ASPHD2: variants seen among roughly 807,000 people sequenced by gnomAD.
ASPHD2 encodes the protein aspartate beta-hydroxylase domain-containing protein 2.
Under a neutral mutation model 34.6 loss-of-function variants are expected in ASPHD2, and 12 were observed. The observed-to-expected ratio is 0.35, with a 90% CI of 0.22 to 0.56. The LOEUF is 0.56. Ranked by LOEUF, ASPHD2 falls within the 20% of genes least tolerant of loss-of-function variation. ASPHD2 has a pLI of 0.87. For synonymous variants in ASPHD2, 224 were observed against 212.2 expected, an observed-to-expected ratio of 1.06 and a Z score of -0.48; for missense variants, 375 against 505.0, an observed-to-expected ratio of 0.74 and a Z score of 2.47.
At chr22:26,432,074 A>C (rs2084760126) in intron 1 of ASPHD2, among the ~76,000 whole-genome samples, 1 of 152,226 alleles carries the variant, frequency 6.6e-6, no homozygotes, top group South Asian at 2.1e-4. Context: ...GCATGCCTGT[A>C]ATCCCAGCTA....
intron 2 of ASPHD2, among the ~76,000 whole-genome samples, chr22:26,439,138 C>T (rs1208053733): frequency 1.3e-5 from 2 of 152,176 alleles, no homozygotes; most frequent in African/African-American, 2.4e-5. Flanking sequence ...GTGGCTCAAG[C>T]CTGTAATCCC....
Position 26,434,322 on chromosome 22 carries a change from A to AGG in ASPHD2, c.711_712dup (p.Val238GlyfsTer38). 1 of 1,614,142 alleles carries AGG rather than the reference A, an allele frequency of 6.2e-7. No homozygotes were observed. Among genetic ancestry groups the AGG allele is most frequent in the Non-Finnish European group, 8.5e-7 (1 of 1,180,008 alleles). Reference sequence around the variant, plus strand: ...TGGTTCACCTTTTACTTGGTCAATCAGGGGGTTTGTGTTCCCAGGAACTGT... The same window carrying AGG: ...TGGTTCACCTTTTACTTGGTCAATCAGGGGGGGTTTGTGTTCCCAGGAACTGT... On this transcript the variant is annotated frameshift_variant, in exon 2 of 4. Coordinates refer to ENST00000215906, the MANE Select transcript of ASPHD2 (RefSeq NM_020437.5). LOFTEE classifies it high-confidence loss of function.
At chr22:26,430,076 T>C (rs2084747416) in intron 1 of ASPHD2, among the ~76,000 whole-genome samples, 1 of 152,208 alleles carries the variant, frequency 6.6e-6, no homozygotes, top group Non-Finnish European at 1.5e-5. Context: ...GCTGAGAAGC[T>C]GGCCAAGAGA....
intron 2 of ASPHD2, among the ~76,000 whole-genome samples, chr22:26,440,325 C>CA (rs2084827905): frequency 6.6e-6 from 1 of 151,982 alleles, no homozygotes; most frequent in Non-Finnish European, 1.5e-5. Context: ...ATTTTTGAGA[C>CA]AGAGTCTCAC....
chr22:26,442,619 T>C (rs1346755098), intron 3 of ASPHD2, 47 bp downstream of exon 3: 4 of 1,441,806 alleles, frequency 2.8e-6, no homozygotes, highest in African/African-American at 1.4e-5. Context: ...GAATAGACTT[T>C]TATTTTTTTA....
In ASPHD2 at chr22:26,437,198, C is replaced by T. The variant is rs527646536; in HGVS notation, c.886+2697C>T. Among the ~76,000 whole-genome samples, 17 of 152,292 alleles carry T rather than the reference C, an allele frequency of 1.1e-4. No homozygotes were observed. The South Asian group carries it at 2.7e-3, about 24-fold the overall frequency. On this transcript the variant is annotated intron_variant, in intron 2 of 3. Transcript: ENST00000215906. ...GGTCAGAAGCAGGATAAGCCTGGTG[C>T]GTACCTGGTGGCCACACCTCTGCTG...
chr22:26,434,542 C>T lies in ASPHD2; in HGVS notation c.886+41C>T, dbSNP rs1228196097. The T allele has an allele frequency of 2.6e-6, 4 of 1,524,920 alleles. No individual in the cohort carries two copies. The South Asian group carries it at 5.2e-5, about 20-fold the overall frequency. The allele number at this position is 1,524,920 out of a possible 1,614,324, so 94.5% of individuals were successfully genotyped here. On this transcript the variant is annotated intron_variant, in intron 2 of 3. Coordinates refer to ENST00000215906, the MANE Select transcript of ASPHD2 (RefSeq NM_020437.5). ...AGGGGTCTCCCGGCATGCACATTTG[C>T]AAGCTCAGCCCCTCTCCATCAAAAC...
In ASPHD2 at chr22:26,433,359, A is replaced by T; in HGVS notation, c.-224-33A>T. ...TTCAGTTGAGGACTTTTCCAGGTGTAAAATTTATGCTGATTTTTTTTTTCC... is the reference window on the plus strand; with the variant it reads ...TTCAGTTGAGGACTTTTCCAGGTGTTAAATTTATGCTGATTTTTTTTTTCC... On this transcript the variant is annotated intron_variant, in intron 1 of 3. Transcript: ENST00000215906. The surrounding 1 kb of genome is among the most constrained non-coding windows in gnomAD (Gnocchi z 5.1). 2.0e-6 allele frequency: 1 copy of T among 505,508 alleles called. No homozygotes were observed. Among genetic ancestry groups the T allele is most frequent in the Non-Finnish European group, 3.4e-6 (1 of 290,462 alleles). 31.3% of individuals were successfully genotyped at this position (505,508 alleles called of 1,614,324 possible). A position where few individuals can be genotyped will look rare whatever the true frequency, so the allele number is the denominator to read the frequency against.
intron 2 of ASPHD2, among the ~76,000 whole-genome samples, chr22:26,442,105 CA>C (rs61233112): frequency 0.092 from 9,039 of 98,088 alleles, 230 homozygotes; most frequent in Non-Finnish European, 0.1. Context: ...GACTCCATTT[CA>C]AAAAAAAAAA....
intron 3 of ASPHD2, 51 bp from the exon 4 acceptor site, chr22:26,443,046 C>T: frequency 7.2e-7 from 1 of 1,391,036 alleles, no homozygotes; most frequent in Non-Finnish European, 1.0e-6. Flanking sequence ...ATCCTGGGTC[C>T]TGACTCCAGG....
Position 26,443,786 on chromosome 22 carries a change from T to A in ASPHD2, c.*580T>A, listed in dbSNP as rs2084880151. On this transcript the variant is annotated 3_prime_UTR_variant, in exon 4 of 4. Coordinates refer to ENST00000215906, the MANE Select transcript of ASPHD2 (RefSeq NM_020437.5). ...CAGGTGGAGGGGCTGCCAGACACAGTCAGGGTGGCACACAGTGTCCAGGCC... is the reference window on the plus strand; with the variant it reads ...CAGGTGGAGGGGCTGCCAGACACAGACAGGGTGGCACACAGTGTCCAGGCC... 1 of 152,380 alleles carries A rather than the reference T, an allele frequency of 6.6e-6. No homozygotes were observed. Among genetic ancestry groups the A allele is most frequent in the Admixed American group, 6.5e-5 (1 of 15,278 alleles). 9.4% of individuals were successfully genotyped at this position (152,380 alleles called of 1,614,324 possible). A position where few individuals can be genotyped will look rare whatever the true frequency, so the allele number is the denominator to read the frequency against.
chr22:26,441,729 C>A (rs2084842898), intron 2 of ASPHD2, among the ~76,000 whole-genome samples: 1 of 152,020 alleles, frequency 6.6e-6, no homozygotes, highest in East Asian at 1.9e-4. Flanking sequence ...TCAAGACCCG[C>A]CTGGCCAAGA....
At position 26,443,202 on chromosome 22, in the gene ASPHD2, G is replaced by A. The variant is rs544809372; in HGVS notation, c.1106G>A (p.Arg369Gln). The A allele has an allele frequency of 6.8e-6, 11 of 1,613,896 alleles. No individual in the cohort carries two copies. The highest frequency in any genetic ancestry group is 2.2e-5 in the South Asian group (2 of 91,082). Residue 369 changes from arginine to glutamine, a missense_variant, in exon 4 of 4, where the codon CGA (arginine) becomes CAA (glutamine). Arg to Gln is a conservative substitution (Grantham distance 43). Around this residue, in one of 3 missense-constraint regions of ASPHD2, gnomAD observed 142 missense variants for 217.9 expected, o/e 0.65. Coordinates refer to ENST00000215906, the MANE Select transcript of ASPHD2 (RefSeq NM_020437.5). The stretch of plus-strand genomic sequence containing the variant: ...CTTGATTTCATCTTTGCTCCGGGAC[G>A]ATGAGAGTATTTCCCATGCTGGAGT... Reference protein sequence around the residue: ...QALDFIFAPGR With the variant: ...QALDFIFAPGQ
chr22:26,430,434 T>G (rs2084749783), intron 1 of ASPHD2, among the ~76,000 whole-genome samples: 3 of 152,174 alleles, frequency 2.0e-5, no homozygotes, highest in African/African-American at 4.8e-5. Context: ...TGCTTATTAT[T>G]AAAGTGCAGA....
At chr22:26,440,394 C>T (rs1344802053) in intron 2 of ASPHD2, among the ~76,000 whole-genome samples, 2 of 152,076 alleles carry the variant, frequency 1.3e-5, no homozygotes, top group Non-Finnish European at 2.9e-5. Flanking sequence ...TGCGGTGATG[C>T]AATCTCGGCT....
intron 2 of ASPHD2, among the ~76,000 whole-genome samples, chr22:26,440,553 C>T (rs143753937): frequency 7.6e-4 from 116 of 151,920 alleles, no homozygotes; most frequent in African/African-American, 2.7e-3. Flanking sequence ...AGGCTGGTCT[C>T]GAACTCTTGG....
At chr22:26,438,608 CATAT>C (rs35169865) in intron 2 of ASPHD2, among the ~76,000 whole-genome samples, 28 of 128,980 alleles carry the variant, frequency 2.2e-4, no homozygotes, top group East Asian at 1.7e-3. Flanking sequence ...CACATATATA[CATAT>C]ATATATACAC....
At chr22:26,431,749 T>G (rs2084757747) in intron 1 of ASPHD2, among the ~76,000 whole-genome samples, 1 of 152,200 alleles carries the variant, frequency 6.6e-6, no homozygotes, top group Non-Finnish European at 1.5e-5. Context: ...TGCCCCACCT[T>G]TGGAACGCTG....
chr22:26,439,729 C>A (rs1191043479), intron 2 of ASPHD2, among the ~76,000 whole-genome samples: 1 of 152,056 alleles, frequency 6.6e-6, no homozygotes, highest in Non-Finnish European at 1.5e-5. Flanking sequence ...TGCTAATGTC[C>A]CCTCTTTACA....
Sources: gnomAD v4.1 joint callset for allele counts (sites outside exome capture counted in the v4.1 genomes callset) on GRCh38, gnomAD v4.1.1 for gene constraint, gnomAD v4.1.1 regional missense constraint, Gnocchi (gnomAD v3.1) non-coding constraint, MANE v1.5 for transcripts, NCBI Gene and HGNC (gene_info 2026-07-23, HGNC 2026-07-21) for gene names.